Variants in ARL6IP6 observed in about 807,000 individuals in gnomAD.
ARL6IP6 encodes the protein ADP-ribosylation factor-like protein 6-interacting protein 6.
A neutral mutation model predicts 21.5 loss-of-function variants in ARL6IP6; 22 were observed. That is an observed-to-expected ratio of 1.02 (90% CI 0.73 to 1.46). The LOEUF (loss-of-function observed/expected upper bound fraction) is 1.46. Among genes scored for constraint, ARL6IP6 ranks in the 40% most tolerant of loss-of-function variants. The pLI is 0.00. For synonymous variants in ARL6IP6, 164 were observed against 125.3 expected, an observed-to-expected ratio of 1.31 and a Z score of -2.06; for missense variants, 388 against 299.8, an observed-to-expected ratio of 1.29 and a Z score of -2.17.
chr2:152,742,381 A>G (rs1006828255), intron 3 of ARL6IP6, among the ~76,000 whole-genome samples: 1 of 152,052 alleles, frequency 6.6e-6, no homozygotes, highest in African/African-American at 2.4e-5. Flanking sequence ...CATCCTAGTC[A>G]ACATAGTGAG....
intron 3 of ARL6IP6, among the ~76,000 whole-genome samples, chr2:152,749,142 A>G (rs1701194696): frequency 6.6e-6 from 1 of 152,150 alleles, no homozygotes; most frequent in Non-Finnish European, 1.5e-5. Flanking sequence ...CTTTTATAAT[A>G]TATTCACTTT....
At chr2:152,745,571 T>C (rs1054158483) in intron 3 of ARL6IP6, among the ~76,000 whole-genome samples, 4 of 152,200 alleles carry the variant, frequency 2.6e-5, no homozygotes, top group Non-Finnish European at 5.9e-5. Context: ...TTGAGCACAG[T>C]GAATTGACTC....
At chr2:152,740,621 A>AAT (rs1160491862) in intron 3 of ARL6IP6, among the ~76,000 whole-genome samples, 1 of 149,008 alleles carries the variant, frequency 6.7e-6, no homozygotes, top group African/African-American at 2.5e-5. Context: ...ATATAAATAG[A>AAT]ATATATACAC....
chr2:152,758,002 C>G (rs546888664), intron 3 of ARL6IP6, among the ~76,000 whole-genome samples: 1 of 152,266 alleles, frequency 6.6e-6, no homozygotes, highest in African/African-American at 2.4e-5. Flanking sequence ...GAACAATTAA[C>G]TCTGGAAACC....
intron 2 of ARL6IP6, among the ~76,000 whole-genome samples, chr2:152,734,355 A>C (rs1700457098): frequency 6.7e-6 from 1 of 148,742 alleles, no homozygotes; most frequent in Non-Finnish European, 1.5e-5. Flanking sequence ...AATGTTCATA[A>C]GAAAACTGTA....
chr2:152,718,735 G>C lies in ARL6IP6; in HGVS notation c.111G>C (p.Trp37Cys), dbSNP rs536895833. Reference protein sequence around the residue: ...SYSSFTQGDSWGEGEVDEEEG... With the variant: ...SYSSFTQGDSCGEGEVDEEEG... ...CCTCCTTTACTCAGGGGGACAGCTG[G>C]GGTGAAGGCGAAGTCGACGAGGAGG... Residue 37 changes from tryptophan (W) to cysteine (C), a missense_variant, in exon 1 of 4, where the codon TGG (tryptophan) becomes TGC (cysteine). Trp to Cys is a radical substitution (Grantham distance 215). Coordinates refer to ENST00000326446, the MANE Select transcript of ARL6IP6 (RefSeq NM_152522.7). 1 of 1,610,966 alleles carries C rather than the reference G, an allele frequency of 6.2e-7. No homozygotes were observed. Among genetic ancestry groups the C allele is most frequent in the South Asian group, 1.1e-5 (1 of 90,376 alleles).
intron 2 of ARL6IP6, among the ~76,000 whole-genome samples, chr2:152,727,288 A>G (rs900314388): frequency 2.0e-5 from 3 of 152,386 alleles, no homozygotes; most frequent in Non-Finnish European, 4.4e-5. Flanking sequence ...GAGTAATGGT[A>G]TAAAGAAAAA....
rs112455171 is a variant in ARL6IP6 at position 152,748,746 on chromosome 2, C to A, written c.588-11001C>A. On this transcript the variant is annotated intron_variant, in intron 3 of 3. Transcript: ENST00000326446. ...TTATTTTAAATTACAAGAGTTCTGT[C>A]ATAAAAGCATCTCTGACATGTGGGA... Among the ~76,000 whole-genome samples the A allele has an allele frequency of 5.9e-3, 902 of 152,272 alleles. 13 individuals are homozygous for A. The highest frequency in any genetic ancestry group is 0.02 in the African/African-American group (835 of 41,540).
At chr2:152,749,540 T>C (rs979768764) in intron 3 of ARL6IP6, among the ~76,000 whole-genome samples, 1 of 152,200 alleles carries the variant, frequency 6.6e-6, no homozygotes, top group African/African-American at 2.4e-5. Context: ...TTCTTTACTA[T>C]ATAGCTAAGA....
intron 3 of ARL6IP6, among the ~76,000 whole-genome samples, chr2:152,754,962 A>G (rs1045781891): frequency 1.3e-5 from 2 of 152,186 alleles, no homozygotes; most frequent in Non-Finnish European, 2.9e-5. Context: ...AAGAATAGTT[A>G]TACTAGATAT....
upstream of ARL6IP6, chr2:152,718,364 C>G (rs1340368455): frequency 2.4e-6 from 1 of 409,782 alleles, no homozygotes; most frequent in Non-Finnish European, 4.1e-6. Flanking sequence ...CCTTCGGCCT[C>G]CGCTCGCTTC....
intron 2 of ARL6IP6, among the ~76,000 whole-genome samples, chr2:152,726,360 T>C (rs1700051284): frequency 2.1e-5 from 1 of 46,764 alleles, no homozygotes; most frequent in Non-Finnish European, 4.8e-5. Flanking sequence ...ATAGCTACCA[T>C]GCACTCTGCA....
chr2:152,734,502 C>A (rs1418694212), intron 2 of ARL6IP6, among the ~76,000 whole-genome samples: 1 of 151,964 alleles, frequency 6.6e-6, no homozygotes, highest in Admixed American at 6.6e-5. Context: ...AACTTTTTTT[C>A]TTTTTCGAAG....
intron 3 of ARL6IP6, among the ~76,000 whole-genome samples, chr2:152,738,331 A>C (rs921870129): frequency 5.3e-5 from 8 of 152,122 alleles, no homozygotes; most frequent in African/African-American, 1.9e-4. Flanking sequence ...CAGTGGATCT[A>C]CTGTTCTGAT....
intron 2 of ARL6IP6, among the ~76,000 whole-genome samples, chr2:152,733,778 A>G (rs1700431424): frequency 6.6e-6 from 1 of 152,198 alleles, no homozygotes; most frequent in South Asian, 2.1e-4. Flanking sequence ...CAAAATAGTT[A>G]TCACAATATA....
intron 3 of ARL6IP6, among the ~76,000 whole-genome samples, chr2:152,738,558 C>T (rs914082938): frequency 6.6e-6 from 1 of 152,214 alleles, no homozygotes; most frequent in African/African-American, 2.4e-5. Context: ...TTCTGTGCAC[C>T]TGCAGTCCCA....
At chr2:152,717,797 C>T (rs375462969), upstream of ARL6IP6, 586 of 1,172,764 alleles carry the variant, frequency 5.0e-4, 4 homozygotes, top group South Asian at 0.011. Context: ...GCCACCTTCA[C>T]CCTCCCCGCC....
At chr2:152,728,285 C>T (rs1700138122) in intron 2 of ARL6IP6, among the ~76,000 whole-genome samples, 1 of 152,040 alleles carries the variant, frequency 6.6e-6, no homozygotes, top group South Asian at 2.1e-4. Flanking sequence ...ACGTTTAATC[C>T]CATTGTTTAC....
Position 152,732,026 on chromosome 2 carries a change from A to G in ARL6IP6, c.455-2968A>G, listed in dbSNP as rs182891516. 1.9e-4 allele frequency among the ~76,000 whole-genome samples: 29 copies of G among 152,088 alleles called. No individual in the cohort carries two copies. In the East Asian group the frequency reaches 4.6e-3, roughly 24 times the overall value. The stretch of plus-strand genomic sequence containing the variant: ...TTGTATGGATGTACTTAATTAACCA[A>G]TCCTTTACCTTCATTACTGATAATT... On this transcript the variant is annotated intron_variant, in intron 2 of 3. Coordinates refer to ENST00000326446, the MANE Select transcript of ARL6IP6 (RefSeq NM_152522.7).
Sources: allele counts gnomAD v4.1 joint callset (sites outside exome capture counted in the v4.1 genomes callset), GRCh38; gene constraint gnomAD v4.1.1; transcripts MANE v1.5; gene names NCBI Gene and HGNC (gene_info 2026-07-23, HGNC 2026-07-21).